Variants in SLC36A1 observed in about 807,000 individuals in gnomAD.
SLC36A1 encodes proton-coupled amino acid transporter 1.
In SLC36A1, 30 loss-of-function variants were observed where a neutral mutation model predicts 47.5. That is an observed-to-expected ratio of 0.63 (90% CI 0.47 to 0.86). The LOEUF (loss-of-function observed/expected upper bound fraction) is 0.86. Ranked by LOEUF, SLC36A1 falls within the 40% of genes least tolerant of loss-of-function variation. SLC36A1 has a pLI of 0.00. For synonymous variants in SLC36A1, 255 were observed against 249.7 expected, an observed-to-expected ratio of 1.02 and a Z score of -0.20; for missense variants, 517 against 606.0, an observed-to-expected ratio of 0.85 and a Z score of 1.54.
chr5:151,396,394 C>T, the SLC36A1 span, among the ~76,000 whole-genome samples: 5 of 152,216 alleles, frequency 3.3e-5, no homozygotes, highest in East Asian at 7.7e-4. Flanking sequence ...AGCCACCATG[C>T]CCGGCCTTCT....
the SLC36A1 span, among the ~76,000 whole-genome samples, chr5:151,520,421 C>T: frequency 6.6e-6 from 1 of 152,224 alleles, no homozygotes; most frequent in African/African-American, 2.4e-5. Flanking sequence ...AATCTCATAT[C>T]TCAGTTCCAA....
chr5:151,438,680 C>T (rs187948901), intron 1 of SLC36A1, among the ~76,000 whole-genome samples: 5 of 152,334 alleles, frequency 3.3e-5, no homozygotes, highest in Admixed American at 1.3e-4. Flanking sequence ...GAGGTGTTCT[C>T]TGGCATCCTT....
chr5:151,438,339 A>G (rs1396365273), intron 1 of SLC36A1, among the ~76,000 whole-genome samples: 1 of 152,082 alleles, frequency 6.6e-6, no homozygotes. Flanking sequence ...ACATAACATG[A>G]AGGAAATAAC....
the SLC36A1 span, chr5:151,366,664 G>C: frequency 6.3e-5 from 10 of 158,402 alleles, no homozygotes; most frequent in African/African-American, 2.2e-4. Context: ...GGAACCTGCA[G>C]TGGAAGAAGA....
the SLC36A1 span, among the ~76,000 whole-genome samples, chr5:151,538,147 G>C: frequency 6.6e-6 from 1 of 152,040 alleles, no homozygotes; most frequent in Non-Finnish European, 1.5e-5. Context: ...AGAGGAGGTA[G>C]AATAAGATGA....
At chr5:151,485,218 G>A (rs1759360215) in intron 10 of SLC36A1, among the ~76,000 whole-genome samples, 1 of 152,168 alleles carries the variant, frequency 6.6e-6, no homozygotes, top group Admixed American at 6.5e-5. Context: ...TAAACTTTTT[G>A]CACACTTCTC....
At chr5:151,374,200 C>T in the SLC36A1 span, among the ~76,000 whole-genome samples, 1 of 152,158 alleles carries the variant, frequency 6.6e-6, no homozygotes, top group Non-Finnish European at 1.5e-5. Context: ...GAGAAAGAGT[C>T]CGTCTGGGTA....
At chr5:151,396,194 C>T in the SLC36A1 span, among the ~76,000 whole-genome samples, 1,014 of 152,008 alleles carry the variant, frequency 6.7e-3, 10 homozygotes, top group African/African-American at 0.024. Context: ...CTCACAGCAA[C>T]CTCCACCTCC....
chr5:151,512,039 C>T, the SLC36A1 span: 114 of 821,070 alleles, frequency 1.4e-4, 1 homozygote, highest in Admixed American at 2.1e-3. The surrounding 1 kb of genome is among the most constrained non-coding windows in gnomAD (Gnocchi z 4.1). Context: ...CTGTTACTCA[C>T]AAGTTAGGGG....
At chr5:151,501,132 C>A in the SLC36A1 span, among the ~76,000 whole-genome samples, 2 of 152,124 alleles carry the variant, frequency 1.3e-5, no homozygotes, top group African/African-American at 4.8e-5. Context: ...TCTCTATGGG[C>A]CTTAGCATGT....
In SLC36A1 at chr5:151,458,312, G is replaced by GTATA. The variant is rs35929969; in HGVS notation, c.-5-458_-5-455dup. Reference sequence around the variant, plus strand: ...TATATATACATACACGTGTATATACGTATATATATATATATATATATGGGA... The same window carrying GTATA: ...TATATATACATACACGTGTATATACGTATATATATATATATATATATATATGGGA... On this transcript the variant is annotated intron_variant, in intron 1 of 10. Coordinates refer to ENST00000243389, the MANE Select transcript of SLC36A1 (RefSeq NM_078483.4). Among the ~76,000 whole-genome samples the GTATA allele has an allele frequency of 1.7e-3, 194 of 111,222 alleles. 1 individual carries two copies. Among genetic ancestry groups the GTATA allele is most frequent in the African/African-American group, 3.3e-3 (93 of 28,524 alleles). The allele number at this position is 111,222 out of a possible 152,430, so 73.0% of individuals were successfully genotyped here. A position where few individuals can be genotyped will look rare whatever the true frequency, so the allele number is the denominator to read the frequency against.
the SLC36A1 span, among the ~76,000 whole-genome samples, chr5:151,348,001 C>T: frequency 6.6e-6 from 1 of 152,102 alleles, no homozygotes; most frequent in Non-Finnish European, 1.5e-5. Flanking sequence ...CCTACAAATC[C>T]CTCTCCTTTT....
At chr5:151,555,002 C>T in the SLC36A1 span, among the ~76,000 whole-genome samples, 1 of 152,182 alleles carries the variant, frequency 6.6e-6, no homozygotes, top group Non-Finnish European at 1.5e-5. Context: ...AATTTTAGTT[C>T]TCTGGTTTCC....
the SLC36A1 span, among the ~76,000 whole-genome samples, chr5:151,418,729 G>T: frequency 3.2e-3 from 494 of 152,272 alleles, 2 homozygotes; most frequent in African/African-American, 0.011. Flanking sequence ...TTAGGCTTTT[G>T]GGTTAATGAT....
chr5:151,364,662 G>A, the SLC36A1 span, among the ~76,000 whole-genome samples: 1 of 152,196 alleles, frequency 6.6e-6, no homozygotes, highest in Non-Finnish European at 1.5e-5. Context: ...GAGAGATTTA[G>A]TCAGAGTTCT....
the SLC36A1 span, among the ~76,000 whole-genome samples, chr5:151,497,770 C>G: frequency 1.3e-5 from 2 of 152,072 alleles, no homozygotes; most frequent in African/African-American, 4.8e-5. Flanking sequence ...CCTCTGCCCA[C>G]TAGATGTCAG....
At chr5:151,457,719 A>G (rs1183022338) in intron 1 of SLC36A1, among the ~76,000 whole-genome samples, 2 of 152,214 alleles carry the variant, frequency 1.3e-5, no homozygotes, top group Non-Finnish European at 2.9e-5. Context: ...TGGCCTCCAG[A>G]GAGTATAGGA....
chr5:151,521,076 G>A, the SLC36A1 span, among the ~76,000 whole-genome samples: 12 of 152,162 alleles, frequency 7.9e-5, no homozygotes, highest in Non-Finnish European at 1.0e-4. Context: ...TCTAAATCTC[G>A]AAAGGGAGCT....
the SLC36A1 span, among the ~76,000 whole-genome samples, chr5:151,345,463 C>T: frequency 2.0e-5 from 3 of 152,128 alleles, no homozygotes; most frequent in Non-Finnish European, 4.4e-5. Context: ...TGGGCAGAGG[C>T]TCAGGAAGCT....
Sources: gnomAD v4.1 joint callset for allele counts (sites outside exome capture counted in the v4.1 genomes callset) on GRCh38, gnomAD v4.1.1 for gene constraint, Gnocchi (gnomAD v3.1) non-coding constraint, MANE v1.5 for transcripts, NCBI Gene and HGNC (gene_info 2026-07-23, HGNC 2026-07-21) for gene names.